The following RXRA variants were observed in gnomAD, a reference collection of about 807,000 sequenced individuals.
The protein encoded by RXRA is retinoid X receptor alpha, also known as retinoic acid receptor RXR-alpha.
RXRA carries 5 observed loss-of-function variants against 44.5 expected under a neutral mutation model. The observed-to-expected ratio is 0.11, with a 90% CI of 0.06 to 0.24. The LOEUF is 0.24. Ranked by LOEUF, RXRA falls within the 10% of genes least tolerant of loss-of-function variation. RXRA has a pLI of 1.00. For synonymous variants in RXRA, 291 were observed against 271.4 expected (o/e 1.07, Z -0.71); for missense variants, 412 against 646.5 (o/e 0.64, Z 3.93).
At chr9:134,378,411 G>A (rs549938848) in intron 1 of RXRA, among the ~76,000 whole-genome samples, 286 of 152,322 alleles carry the variant, frequency 1.9e-3, no homozygotes, top group South Asian at 4.1e-3. Flanking sequence ...ACCCAAGAGG[G>A]CTGTGGCCAT....
intron 1 of RXRA, among the ~76,000 whole-genome samples, chr9:134,328,250 G>T (rs1834947088): frequency 6.6e-6 from 1 of 152,216 alleles, no homozygotes. Context: ...CCTGGACGTG[G>T]CAGGGGCCTG....
chr9:134,440,582 C>G lies in RXRA; in HGVS notation c.*3968C>G, dbSNP rs1016083416. On this transcript the variant is annotated 3_prime_UTR_variant, in exon 10 of 10. Coordinates refer to ENST00000481739, the MANE Select transcript of RXRA (RefSeq NM_002957.6). Reference sequence around the variant, plus strand: ...GTTTAAAATACATCGCCATTCAGTTCGTTTGTTCCGTGTGGGGACTTTTTT... The same window carrying G: ...GTTTAAAATACATCGCCATTCAGTTGGTTTGTTCCGTGTGGGGACTTTTTT... 6.6e-6 allele frequency: 1 copy of G among 152,294 alleles called. No individual in the cohort carries two copies. Among genetic ancestry groups the G allele is most frequent in the African/African-American group, 2.4e-5 (1 of 41,460 alleles). 9.4% of individuals were successfully genotyped at this position (152,294 alleles called of 1,614,324 possible).
chr9:134,366,080 C>G lies in RXRA; in HGVS notation c.29-35552C>G, dbSNP rs537102691. On this transcript the variant is annotated intron_variant, in intron 1 of 9. Transcript: ENST00000481739. This position sits in a 1 kb window ranked among gnomAD's most constrained non-coding sequence, Gnocchi z 5.9. ...GTGGGGCTTGGCATCTTCAGCATCT[C>G]TCGTGCCTCAGTAACAACCTGGGAG... Among the ~76,000 whole-genome samples the G allele has an allele frequency of 2.7e-4, 41 of 152,172 alleles. No homozygotes were observed. Among genetic ancestry groups the G allele is most frequent in the Non-Finnish European group, 4.7e-4 (32 of 68,032 alleles).
At chr9:134,391,354 G>T (rs139539188) in intron 1 of RXRA, among the ~76,000 whole-genome samples, 1 of 152,176 alleles carries the variant, frequency 6.6e-6, no homozygotes, top group Admixed American at 6.5e-5. Flanking sequence ...AAGCCTGGCC[G>T]TTCCACGACA....
intron 1 of RXRA, among the ~76,000 whole-genome samples, chr9:134,369,804 G>A (rs1830468449): frequency 1.3e-5 from 2 of 152,118 alleles, no homozygotes; most frequent in Non-Finnish European, 2.9e-5. Context: ...TGGGAGGAGA[G>A]GCTGAGTCCA....
intron 1 of RXRA, among the ~76,000 whole-genome samples, chr9:134,351,651 T>C (rs2119044147): frequency 6.6e-6 from 1 of 152,342 alleles, no homozygotes; most frequent in East Asian, 1.9e-4. Context: ...GTATTTTTCT[T>C]GATAATGGAG....
At chr9:134,380,434 G>A (rs143014737) in intron 1 of RXRA, among the ~76,000 whole-genome samples, 1,637 of 152,186 alleles carry the variant, frequency 0.011, 32 homozygotes, top group African/African-American at 0.032. Flanking sequence ...GCCATGAGAA[G>A]TGAGGAGCCT....
chr9:134,422,617 A>G lies in RXRA; in HGVS notation c.910+812A>G, dbSNP rs1168812854. ...ACTCCCCGCTCCCAGGACGCTCCCCACTCCCGGGACACTCCCCTCTCCCCG... is the reference window on the plus strand; with the variant it reads ...ACTCCCCGCTCCCAGGACGCTCCCCGCTCCCGGGACACTCCCCTCTCCCCG... On this transcript the variant is annotated intron_variant, in intron 6 of 9. Transcript: ENST00000481739. 11 of 808,106 alleles carry G rather than the reference A, an allele frequency of 1.4e-5. No individual in the cohort carries two copies. In the South Asian group the frequency reaches 4.7e-4, roughly 34 times the overall value. The allele number at this position is 808,106 out of a possible 1,614,324, so 50.1% of individuals were successfully genotyped here. A position where few individuals can be genotyped will look rare whatever the true frequency, so the allele number is the denominator to read the frequency against.
intron 1 of RXRA, among the ~76,000 whole-genome samples, chr9:134,345,817 G>A (rs1554748717): frequency 6.6e-6 from 1 of 152,176 alleles, no homozygotes; most frequent in African/African-American, 2.4e-5. Context: ...CTCTGGCCCG[G>A]CTCATTCATG....
chr9:134,327,816 G>A (rs182604581), intron 1 of RXRA, among the ~76,000 whole-genome samples: 203 of 152,296 alleles, frequency 1.3e-3, no homozygotes, highest in African/African-American at 4.5e-3. Context: ...TCACAGGCAG[G>A]TGTGCTGCCC....
At chr9:134,372,030 C>T (rs368858807) in intron 1 of RXRA, 1 of 152,200 alleles carries the variant, frequency 6.6e-6, no homozygotes, top group African/African-American at 2.4e-5. Flanking sequence ...ACTTCCCTCC[C>T]TGGGGAGGGG....
chr9:134,423,367 CGCCTCAGCCCGACTGGGGA>C (rs1831380268), intron 6 of RXRA: 1 of 985,452 alleles, frequency 1.0e-6, no homozygotes, highest in South Asian at 4.7e-5. Context: ...TGGGCTCCGC[CGCCTCAGCCCGACTGGGGA>C]GCCTCAGCCC....
chr9:134,348,501 C>T (rs1414689609), intron 1 of RXRA, among the ~76,000 whole-genome samples: 2 of 138,074 alleles, frequency 1.4e-5, no homozygotes, highest in Non-Finnish European at 3.1e-5. Flanking sequence ...GCTGCTTGTC[C>T]CCTGCTGCAG....
Position 134,438,980 on chromosome 9 carries a change from G to C in RXRA, c.*2366G>C, listed in dbSNP as rs757302826. 1 of 152,286 alleles carries C rather than the reference G, an allele frequency of 6.6e-6. No homozygotes were observed. Among genetic ancestry groups the C allele is most frequent in the African/African-American group, 2.4e-5 (1 of 41,450 alleles). 9.4% of individuals were successfully genotyped at this position (152,286 alleles called of 1,614,324 possible). A position where few individuals can be genotyped will look rare whatever the true frequency, so the allele number is the denominator to read the frequency against. On this transcript the variant is annotated 3_prime_UTR_variant, in exon 10 of 10. Coordinates refer to ENST00000481739, the MANE Select transcript of RXRA (RefSeq NM_002957.6). Reference sequence around the variant, plus strand: ...CCCGGGCACTTCCCGCAGCCTTCCCGTCCCTTTCTCATCGGCCTTGTAGTT... The same window carrying C: ...CCCGGGCACTTCCCGCAGCCTTCCCCTCCCTTTCTCATCGGCCTTGTAGTT...
Position 134,411,789 on chromosome 9 carries a change from C to G in RXRA, c.610+2670C>G, listed in dbSNP as rs527338686. ...CGTGGGCGGTGAGGAGGCAGTGAGG[C>G]CCCCGTGCCAAACGTGCCCTGCTGC... On this transcript the variant is annotated intron_variant, in intron 4 of 9. Transcript: ENST00000481739. Among the ~76,000 whole-genome samples, 77 of 152,328 alleles carry G rather than the reference C, an allele frequency of 5.1e-4. No homozygotes were observed. The South Asian group carries it at 0.016, about 31-fold the overall frequency.
intron 1 of RXRA, among the ~76,000 whole-genome samples, chr9:134,350,726 A>T (rs1191695990): frequency 6.6e-6 from 1 of 152,120 alleles, no homozygotes; most frequent in African/African-American, 2.4e-5. Flanking sequence ...GGGCATTCTC[A>T]TGCCTTCTGC....
In RXRA at chr9:134,369,635, C is replaced by A. The variant is rs551061189; in HGVS notation, c.29-31997C>A. ...ACCCCCACCTTTGTGTCCCCTCCAG[C>A]CCCACCCAGGGCCTCCTCCCTGTGG... On this transcript the variant is annotated intron_variant, in intron 1 of 9. Transcript: ENST00000481739. 2.0e-5 allele frequency among the ~76,000 whole-genome samples: 3 copies of A among 152,092 alleles called. No homozygotes were observed. The South Asian group carries it at 6.2e-4, about 32-fold the overall frequency.
intron 1 of RXRA, among the ~76,000 whole-genome samples, chr9:134,367,050 C>T (rs765792847): frequency 1.2e-4 from 19 of 152,162 alleles, no homozygotes; most frequent in South Asian, 1.2e-3. Context: ...CGGGTCACCT[C>T]CCGTAACAGT....
intron 7 of RXRA, among the ~76,000 whole-genome samples, chr9:134,429,947 G>A (rs1014312858): frequency 2.0e-5 from 3 of 152,000 alleles, no homozygotes; most frequent in Non-Finnish European, 4.4e-5. Context: ...TTGCAGTGGT[G>A]CAATCTTGGC....
Sources: allele counts gnomAD v4.1 joint callset (sites outside exome capture counted in the v4.1 genomes callset), GRCh38; gene constraint gnomAD v4.1.1; non-coding constraint Gnocchi (gnomAD v3.1); transcripts MANE v1.5; gene names NCBI Gene and HGNC (gene_info 2026-07-23, HGNC 2026-07-21).